MED18: variants seen among roughly 807,000 people sequenced by gnomAD.
MED18 encodes the protein mediator complex subunit 18.
A neutral mutation model predicts 13.9 loss-of-function variants in MED18; 10 were observed. That is an observed-to-expected ratio of 0.72 (90% CI 0.44 to 1.22). MED18 has a LOEUF of 1.22. Ranked by LOEUF, MED18 falls within the 50% of genes most tolerant of loss-of-function variation. The pLI, the probability that MED18 is intolerant of heterozygous loss-of-function variation, is 0.00. For synonymous variants in MED18, 88 were observed against 93.2 expected (o/e 0.94, Z 0.32); for missense variants, 216 against 279.0 (o/e 0.77, Z 1.61).
At chr1:28,332,834 A>AGAAGGCAAAGGTAGAAAGAGGC (rs1167628776) in intron 2 of MED18, among the ~76,000 whole-genome samples, 2 of 152,232 alleles carry the variant, frequency 1.3e-5, no homozygotes, top group African/African-American at 4.8e-5. Context: ...GAAGAGAGGA[A>AGAAGGCAAAGGTAGAAAGAGGC]GAAGGCAAAG....
chr1:28,329,278 C>CT (rs1649618658), intron 1 of MED18, 98 bp downstream of exon 1: 2 of 114,550 alleles, frequency 1.7e-5, no homozygotes, highest in South Asian at 2.5e-4. Context: ...GGCTCTCTCT[C>CT]TCTTTTTTTT....
At chr1:28,333,949 C>G (rs1320658473) in intron 2 of MED18, among the ~76,000 whole-genome samples, 2 of 151,912 alleles carry the variant, frequency 1.3e-5, no homozygotes, top group Non-Finnish European at 2.9e-5. Context: ...TATATAACAA[C>G]AAAATAGTGT....
chr1:28,334,913 A>G lies in MED18; in HGVS notation c.570A>G (p.Ala190=), dbSNP rs370549785. 164 of 1,614,214 alleles carry G rather than the reference A, an allele frequency of 1.0e-4. 4 individuals carry two copies. In the South Asian group the frequency reaches 1.5e-3, roughly 15 times the overall value. The change falls in exon 3 of 3, where the codon GCA becomes GCG. Residue 190 remains alanine (A), a synonymous_variant. Coordinates refer to ENST00000373842, the MANE Select transcript of MED18 (RefSeq NM_017638.3). The part of the protein sequence containing the change: ...DMVSDDMKNF[A]EQLKPLVHLE... ...TCTCTGATGACATGAAGAACTTCGC[A>G]GAACAGCTAAAACCTCTGGTTCACC...
intron 2 of MED18, among the ~76,000 whole-genome samples, chr1:28,331,573 A>G (rs1359756377): frequency 6.6e-6 from 1 of 152,058 alleles, no homozygotes; most frequent in Non-Finnish European, 1.5e-5. Flanking sequence ...CTCAAGTGAT[A>G]TACTTGCCTT....
chr1:28,335,954 C>T lies in MED18; in HGVS notation c.*984C>T, dbSNP rs567824248. On this transcript the variant is annotated 3_prime_UTR_variant, in exon 3 of 3. Coordinates refer to ENST00000373842, the MANE Select transcript of MED18 (RefSeq NM_017638.3). ...GAGCTTGTGTTACATGGTAATAAAG[C>T]CAATGAAGAGACATGTCTGTGTAAT... 3 of 152,180 alleles carry T rather than the reference C, an allele frequency of 2.0e-5. No individual in the cohort carries two copies. The highest frequency in any genetic ancestry group is 4.1e-4 in the South Asian group (2 of 4,822). The allele number at this position is 152,180 out of a possible 1,614,324, so 9.4% of individuals were successfully genotyped here. A position where few individuals can be genotyped will look rare whatever the true frequency, so the allele number is the denominator to read the frequency against.
At chr1:28,334,305 T>G in intron 2 of MED18, 112 bp from the exon 3 acceptor site, 1 of 1,155,410 alleles carries the variant, frequency 8.7e-7, no homozygotes, top group Non-Finnish European at 1.2e-6. Context: ...GTATGTTTTA[T>G]GAAATGCTTC....
intron 2 of MED18, among the ~76,000 whole-genome samples, chr1:28,332,756 A>G (rs1649783709): frequency 6.6e-6 from 1 of 152,196 alleles, no homozygotes; most frequent in Non-Finnish European, 1.5e-5. Context: ...AAGCCACTGT[A>G]GTGTCCTGAG....
Position 28,330,623 on chromosome 1 carries a change from G to C in MED18, c.-40G>C. The C allele has an allele frequency of 1.3e-6, 2 of 1,553,528 alleles. No homozygotes were observed. Among genetic ancestry groups the C allele is most frequent in the Non-Finnish European group, 1.8e-6 (2 of 1,134,200 alleles). On this transcript the variant is annotated 5_prime_UTR_variant, in exon 2 of 3. Coordinates refer to ENST00000373842, the MANE Select transcript of MED18 (RefSeq NM_017638.3). ...TATATCCCGTGCCTTACCTGACTGGGGGCTCTGAGTCCAGTTGTGTTGTCT... is the reference window on the plus strand; with the variant it reads ...TATATCCCGTGCCTTACCTGACTGGCGGCTCTGAGTCCAGTTGTGTTGTCT...
In MED18 at chr1:28,334,574, C is replaced by G; in HGVS notation, c.231C>G (p.Asp77Glu). 1 of 1,614,192 alleles carries G rather than the reference C, an allele frequency of 6.2e-7. No homozygotes were observed. The highest frequency in any genetic ancestry group is 8.5e-7 in the Non-Finnish European group (1 of 1,180,034). Reference sequence around the variant, plus strand: ...TTCTCAGGGCCCGACGCTCTATGGACAGGGCAGGGGCACCCTGGCATCTGC... The same window carrying G: ...TTCTCAGGGCCCGACGCTCTATGGAGAGGGCAGGGGCACCCTGGCATCTGC... ...PFVLRARRSM[D>E]RAGAPWHLRY... is the part of the protein sequence containing the mutation. The change falls in exon 3 of 3, where the codon GAC becomes GAG. Residue 77 changes from aspartate (D) to glutamate (E), a missense_variant. Asp to Glu is a conservative substitution (Grantham distance 45). Coordinates refer to ENST00000373842, the MANE Select transcript of MED18 (RefSeq NM_017638.3).
Position 28,334,641 on chromosome 1 carries a change from G to A in MED18, c.298G>A (p.Ala100Thr). The A allele has an allele frequency of 6.2e-7, 1 of 1,614,206 alleles. No homozygotes were observed. The highest frequency in any genetic ancestry group is 8.5e-7 in the Non-Finnish European group (1 of 1,180,044). ...AGAAATGGGAGACAAGAACCGCCAT[G>A]CCCTGGTGCGAAACTGCGTGGACAT... Reference protein sequence around the residue: ...QPEMGDKNRHALVRNCVDIAT... With the variant: ...QPEMGDKNRHTLVRNCVDIAT... Residue 100 changes from alanine to threonine, a missense_variant, in exon 3 of 3, where the codon GCC becomes ACC. Coordinates refer to ENST00000373842, the MANE Select transcript of MED18 (RefSeq NM_017638.3).
intron 2 of MED18, 166 bp from the exon 3 acceptor site, chr1:28,334,251 C>G: frequency 1.3e-6 from 1 of 786,434 alleles, no homozygotes; most frequent in South Asian, 1.9e-5. Flanking sequence ...CAACGTTATA[C>G]AATACCTTGG....
rs535374097 is a variant in MED18, at chr1:28,334,843, A to G, written c.500A>G (p.Tyr167Cys). 1.2e-6 allele frequency: 2 copies of G among 1,613,992 alleles called. No homozygotes were observed. Among genetic ancestry groups the G allele is most frequent in the East Asian group, 2.2e-5 (1 of 44,872 alleles). Residue 167 changes from tyrosine to cysteine, a missense_variant, in exon 3 of 3, where the codon TAT becomes TGT. Tyr to Cys is a radical substitution (Grantham distance 194). Transcript: ENST00000373842. ...TDSTEALSLS[Y>C]LVELSVVAPA... Reference sequence around the variant, plus strand: ...AGCACTGAGGCCTTGTCACTCTCCTATCTCGTGGAATTAAGTGTGGTAGCA... The same window carrying G: ...AGCACTGAGGCCTTGTCACTCTCCTGTCTCGTGGAATTAAGTGTGGTAGCA...
At chr1:28,330,483 A>G (rs1315986709) in intron 1 of MED18, 114 bp from the exon 2 acceptor site, 1 of 473,598 alleles carries the variant, frequency 2.1e-6, no homozygotes, top group African/African-American at 2.1e-5. Flanking sequence ...TGGCCATATA[A>G]GGAAATACTC....
intron 1 of MED18, 21 bp from the exon 2 acceptor site, chr1:28,330,576 A>T: frequency 1.0e-6 from 1 of 999,934 alleles, no homozygotes; most frequent in South Asian, 1.5e-5. Context: ...TTGATGTATA[A>T]ACAAGTGAAC....
intron 1 of MED18, 119 bp from the exon 2 acceptor site, chr1:28,330,478 A>T (rs139458663): frequency 4.4e-6 from 2 of 459,310 alleles, no homozygotes; most frequent in Non-Finnish European, 7.8e-6. Flanking sequence ...GGAACTGGCC[A>T]TATAAGGAAA....
intron 2 of MED18, among the ~76,000 whole-genome samples, chr1:28,332,653 A>G (rs114347675): frequency 1.4e-4 from 22 of 152,272 alleles, no homozygotes; most frequent in African/African-American, 5.1e-4. Context: ...GAGGAATAGA[A>G]GGAGATGATG....
In MED18 at chr1:28,335,177, G is replaced by T. The variant is rs1291540560; in HGVS notation, c.*207G>T. 1 of 528,888 alleles carries T rather than the reference G, an allele frequency of 1.9e-6. No homozygotes were observed. Among genetic ancestry groups the T allele is most frequent in the African/African-American group, 1.9e-5 (1 of 52,510 alleles). 32.8% of individuals were successfully genotyped at this position (528,888 alleles called of 1,614,324 possible). ...CCACCTCAGCCTCCTGAGTAGCTGG[G>T]ATTACAGGCACATGCCACCATGCTC... On this transcript the variant is annotated 3_prime_UTR_variant, in exon 3 of 3. Transcript: ENST00000373842.
In MED18 at chr1:28,331,749, AT is replaced by A. The variant is rs1001931813; in HGVS notation, c.73+1026del. Among the ~76,000 whole-genome samples, 984 of 145,876 alleles carry A rather than the reference AT, an allele frequency of 6.7e-3. 11 individuals are homozygous for A. The highest frequency in any genetic ancestry group is 0.023 in the African/African-American group (913 of 40,146). ...TATCTTTCTAGGTCCTGTTTCTCTG[AT>A]TTTTTTTTTTTAAGATGGATTCTCA... is the stretch of plus-strand genomic sequence containing the variant. On this transcript the variant is annotated intron_variant, in intron 2 of 2. Coordinates refer to ENST00000373842, the MANE Select transcript of MED18 (RefSeq NM_017638.3).
In MED18 at chr1:28,335,787, A is replaced by C. The variant is rs1204182305; in HGVS notation, c.*817A>C. On this transcript the variant is annotated 3_prime_UTR_variant, in exon 3 of 3. Coordinates refer to ENST00000373842, the MANE Select transcript of MED18 (RefSeq NM_017638.3). ...CAGTGACCAGAGATGACGCCATTGC[A>C]CTCCAGCCTGGGTGAGAAGAGCGAA... 1.3e-5 allele frequency: 2 copies of C among 151,912 alleles called. No individual in the cohort carries two copies. The highest frequency in any genetic ancestry group is 2.9e-5 in the Non-Finnish European group (2 of 68,010). The allele number at this position is 151,912 out of a possible 1,614,324, so 9.4% of individuals were successfully genotyped here. A position where few individuals can be genotyped will look rare whatever the true frequency, so the allele number is the denominator to read the frequency against.
Sources: allele counts gnomAD v4.1 joint callset (sites outside exome capture counted in the v4.1 genomes callset), GRCh38; gene constraint gnomAD v4.1.1; transcripts MANE v1.5; gene names NCBI Gene and HGNC (gene_info 2026-07-23, HGNC 2026-07-21).